The following SORCS3 variants were observed in gnomAD, a reference collection of about 807,000 sequenced individuals.
The protein encoded by SORCS3 is sortilin related VPS10 domain containing receptor 3, also known as VPS10 domain-containing receptor SorCS3.
In SORCS3, 57 loss-of-function variants were observed where a neutral mutation model predicts 146.3. The ratio of observed to expected loss-of-function variants is 0.39; its 90% confidence interval spans 0.31 to 0.49. The LOEUF is 0.49. Ranked by LOEUF, SORCS3 falls within the 20% of genes least tolerant of loss-of-function variation. SORCS3 has a pLI of 0.92. For missense variants in SORCS3, 1,341 were observed against 1,575.5 expected (o/e 0.85, Z 2.52); for synonymous variants, 653 against 618.5 (o/e 1.06, Z -0.83).
chr10:104,939,534 A>C (rs1589557766), intron 3 of SORCS3, among the ~76,000 whole-genome samples: 1 of 46,706 alleles, frequency 2.1e-5, no homozygotes, highest in African/African-American at 8.9e-4. Flanking sequence ...GAGAACGTCC[A>C]AATGGGTCTG....
At chr10:105,059,016 C>T (rs897468943) in intron 5 of SORCS3, among the ~76,000 whole-genome samples, 1 of 152,030 alleles carries the variant, frequency 6.6e-6, no homozygotes, top group African/African-American at 2.4e-5. Context: ...CCTGGAAATC[C>T]CTGCTCTGGA....
At chr10:104,757,643 G>T (rs2017069690) in intron 1 of SORCS3, among the ~76,000 whole-genome samples, 1 of 152,158 alleles carries the variant, frequency 6.6e-6, no homozygotes, top group Non-Finnish European at 1.5e-5. Context: ...TTCTTAGCTG[G>T]ATATTGCCTT....
At position 105,238,765 on chromosome 10, in the gene SORCS3, G is replaced by A. The variant is rs546008534; in HGVS notation, c.2869-6777G>A. On this transcript the variant is annotated intron_variant, in intron 20 of 26. Coordinates refer to ENST00000369701, the MANE Select transcript of SORCS3 (RefSeq NM_014978.3). The stretch of plus-strand genomic sequence containing the variant: ...AGAGTTTTTAGATGTATTTAAGTGC[G>A]TATGTTTGTGTATCTGTATTTGAGG... Among the ~76,000 whole-genome samples the A allele has an allele frequency of 5.9e-5, 9 of 152,268 alleles. No homozygotes were observed. The South Asian group carries it at 8.3e-4, about 14-fold the overall frequency.
chr10:104,969,342 C>A (rs866595080), intron 3 of SORCS3, among the ~76,000 whole-genome samples: 1 of 116,226 alleles, frequency 8.6e-6, no homozygotes, highest in Non-Finnish European at 1.8e-5. Flanking sequence ...TGTGTGTGTG[C>A]GCGCGCGCGT....
chr10:104,834,937 C>T (rs1001891354), intron 1 of SORCS3, among the ~76,000 whole-genome samples: 116 of 151,958 alleles, frequency 7.6e-4, no homozygotes, highest in African/African-American at 2.7e-3. Context: ...TGCTGAGCCA[C>T]AGAGTTGGTA....
chr10:104,666,702 G>A (rs1396077266), intron 1 of SORCS3, among the ~76,000 whole-genome samples: 1 of 152,220 alleles, frequency 6.6e-6, no homozygotes, highest in East Asian at 1.9e-4. Flanking sequence ...AACTCCTGGG[G>A]TCAAGTGATC....
intron 4 of SORCS3, among the ~76,000 whole-genome samples, chr10:104,979,072 C>CTCCCTGATGAAATCAAA (rs2054918376): frequency 6.6e-6 from 1 of 152,200 alleles, no homozygotes; most frequent in Non-Finnish European, 1.5e-5. Flanking sequence ...CTTCCGTAAA[C>CTCCCTGATGAAATCAAA]TCCCTGATGA....
chr10:105,119,175 T>C (rs1757237673), intron 7 of SORCS3, among the ~76,000 whole-genome samples: 1 of 152,216 alleles, frequency 6.6e-6, no homozygotes, highest in African/African-American at 2.4e-5. Flanking sequence ...GGGACCAATG[T>C]ACAGCTCAGG....
At chr10:104,776,392 G>A (rs543261853) in intron 1 of SORCS3, among the ~76,000 whole-genome samples, 1 of 152,294 alleles carries the variant, frequency 6.6e-6, no homozygotes, top group Non-Finnish European at 1.5e-5. Flanking sequence ...GCCAGACATT[G>A]CAAGGGTAGT....
chr10:105,196,318 C>T (rs763430110), intron 14 of SORCS3, among the ~76,000 whole-genome samples: 16 of 152,302 alleles, frequency 1.1e-4, no homozygotes, highest in Admixed American at 4.6e-4. Context: ...AAAGTTCCCT[C>T]ACAGGCCAGG....
At chr10:104,886,969 G>A (rs1444694379) in intron 2 of SORCS3, among the ~76,000 whole-genome samples, 1 of 152,128 alleles carries the variant, frequency 6.6e-6, no homozygotes, top group Non-Finnish European at 1.5e-5. Flanking sequence ...ATATTTATGT[G>A]GGAGTATTTG....
intron 20 of SORCS3, among the ~76,000 whole-genome samples, chr10:105,237,383 GT>G (rs2056798740): frequency 6.6e-6 from 1 of 152,186 alleles, no homozygotes; most frequent in African/African-American, 2.4e-5. Flanking sequence ...CGTAGAAAGT[GT>G]TTAGAACACA....
chr10:104,658,369 G>A (rs998021770), intron 1 of SORCS3, among the ~76,000 whole-genome samples: 1 of 152,234 alleles, frequency 6.6e-6, no homozygotes, highest in Non-Finnish European at 1.5e-5. Flanking sequence ...CTTCTAAGCA[G>A]AGCTGGTCCT....
rs371923172 is a variant in SORCS3 at position 104,694,206 on chromosome 10, A to T, written c.627+52252A>T. ...GCAGAGGGACATGCTTACCAACATA[A>T]AATTCAGCCCAAGTTTTAAAGGTGA... On this transcript the variant is annotated intron_variant, in intron 1 of 26. Transcript: ENST00000369701. Among the ~76,000 whole-genome samples the T allele has an allele frequency of 6.6e-5, 10 of 150,962 alleles. No homozygotes were observed. In the East Asian group the frequency reaches 2.0e-3, roughly 30 times the overall value.
At chr10:105,138,331 G>A (rs1041989049) in intron 7 of SORCS3, among the ~76,000 whole-genome samples, 2 of 152,168 alleles carry the variant, frequency 1.3e-5, no homozygotes, top group African/African-American at 4.8e-5. Flanking sequence ...CTCCCCGAGT[G>A]AGGAGAGATG....
intron 2 of SORCS3, among the ~76,000 whole-genome samples, chr10:104,883,765 G>A (rs992665970): frequency 2.0e-5 from 3 of 152,092 alleles, no homozygotes; most frequent in Non-Finnish European, 4.4e-5. Context: ...AGCCAGGCTG[G>A]GCCAATTCAA....
intron 7 of SORCS3, among the ~76,000 whole-genome samples, chr10:105,129,643 G>T: frequency 1.4e-5 from 2 of 146,270 alleles, no homozygotes; most frequent in Admixed American, 7.0e-5. Context: ...CCTTATCTTT[G>T]CTTTTTTACC....
At chr10:104,826,030 T>G (rs1448124360) in intron 1 of SORCS3, among the ~76,000 whole-genome samples, 3 of 152,198 alleles carry the variant, frequency 2.0e-5, no homozygotes, top group Admixed American at 2.0e-4. Context: ...CTTGTTAATT[T>G]CTATATATCT....
At chr10:104,679,826 C>A (rs1262221986) in intron 1 of SORCS3, among the ~76,000 whole-genome samples, 1 of 151,966 alleles carries the variant, frequency 6.6e-6, no homozygotes, top group Non-Finnish European at 1.5e-5. Context: ...TTTATATAGC[C>A]CACAGTGATA....
Sources: allele counts gnomAD v4.1 joint callset (sites outside exome capture counted in the v4.1 genomes callset), GRCh38; gene constraint gnomAD v4.1.1; transcripts MANE v1.5; gene names NCBI Gene and HGNC (gene_info 2026-07-23, HGNC 2026-07-21).